Variants in ROBO2 observed in about 807,000 individuals in gnomAD.
ROBO2 encodes roundabout guidance receptor 2, also known as roundabout homolog 2.
In ROBO2, 53 loss-of-function variants were observed where a neutral mutation model predicts 160.8. That is an observed-to-expected ratio of 0.33 (90% CI 0.26 to 0.41). The LOEUF (loss-of-function observed/expected upper bound fraction) is 0.41, where lower values mean the gene tolerates loss of function less well. ROBO2 is among the 10% of genes least tolerant of loss of function. The probability of loss-of-function intolerance (pLI) is 1.00; values close to 1 mark genes in which losing one functional copy is unlikely to be tolerated. For synonymous variants in ROBO2, 664 were observed against 611.7 expected (o/e 1.09, Z -1.26); for missense variants, 1,577 against 1,722.4 (o/e 0.92, Z 1.49).
intron 5 of ROBO2, among the ~76,000 whole-genome samples, chr3:77,513,039 A>G (rs781450692): frequency 6.6e-6 from 1 of 151,894 alleles, no homozygotes; most frequent in Non-Finnish European, 1.5e-5. Context: ...ATTTCCTTCC[A>G]AGAAAAACAA....
At chr3:77,165,082 C>A (rs1049945894) in intron 2 of ROBO2, among the ~76,000 whole-genome samples, 4 of 151,856 alleles carry the variant, frequency 2.6e-5, no homozygotes, top group Non-Finnish European at 4.4e-5. Context: ...TCATTGAGAA[C>A]GGGCCAGGAT....
chr3:77,031,080 G>C (rs1426299727), intron 2 of ROBO2, among the ~76,000 whole-genome samples: 1 of 152,062 alleles, frequency 6.6e-6, no homozygotes, highest in Non-Finnish European at 1.5e-5. Context: ...TTGAAGGTGG[G>C]GCTTGTGTTT....
chr3:77,319,521 T>G (rs913999368), intron 2 of ROBO2, among the ~76,000 whole-genome samples: 1 of 152,186 alleles, frequency 6.6e-6, no homozygotes, highest in African/African-American at 2.4e-5. Context: ...TCATTAGAAT[T>G]TGTCCTTTTG....
At chr3:77,133,532 G>A (rs1036537662) in intron 2 of ROBO2, among the ~76,000 whole-genome samples, 12 of 151,648 alleles carry the variant, frequency 7.9e-5, no homozygotes, top group Non-Finnish European at 1.5e-4. Context: ...ATTAGGAAAG[G>A]AATTATGTGG....
At chr3:76,061,726 G>C (rs557047631) in intron 2 of ROBO2, among the ~76,000 whole-genome samples, 1 of 152,000 alleles carries the variant, frequency 6.6e-6, no homozygotes, top group Non-Finnish European at 1.5e-5. Context: ...TGGCTTGGTG[G>C]CTAAAACCCC....
chr3:76,159,752 C>A (rs370841704), intron 2 of ROBO2, among the ~76,000 whole-genome samples: 1 of 152,224 alleles, frequency 6.6e-6, no homozygotes, highest in South Asian at 2.1e-4. Flanking sequence ...AGTAATGATA[C>A]CAGCCACCCT....
At chr3:77,114,797 AT>A (rs2150211554) in intron 2 of ROBO2, among the ~76,000 whole-genome samples, 1 of 152,272 alleles carries the variant, frequency 6.6e-6, no homozygotes, top group South Asian at 2.1e-4. Flanking sequence ...TTACTCATAT[AT>A]TTGACTTACA....
intron 2 of ROBO2, among the ~76,000 whole-genome samples, chr3:77,415,902 G>A (rs745856609): frequency 1.8e-4 from 27 of 152,272 alleles, no homozygotes; most frequent in Non-Finnish European, 3.1e-4. Flanking sequence ...CAGCTTGTTC[G>A]TTCCTGCAGC....
intron 2 of ROBO2, among the ~76,000 whole-genome samples, chr3:77,444,408 C>A (rs892845790): frequency 4.6e-5 from 7 of 152,062 alleles, no homozygotes; most frequent in African/African-American, 1.7e-4. Context: ...CTTTTGTATA[C>A]ATTAACTTGT....
chr3:76,750,615 A>G (rs1308151879), intron 2 of ROBO2, among the ~76,000 whole-genome samples: 2 of 152,164 alleles, frequency 1.3e-5, no homozygotes, highest in African/African-American at 4.8e-5. Flanking sequence ...TACAAAATCA[A>G]TGTGCAAAAA....
chr3:77,596,653 C>T (rs781306155), exon 19 of ROBO2: 1 of 1,613,848 alleles, frequency 6.2e-7, no homozygotes. Context: ...CTGGTGATCC[C>T]AGCTATCCAT....
chr3:77,318,671 T>C (rs191360218), intron 2 of ROBO2, among the ~76,000 whole-genome samples: 1 of 152,288 alleles, frequency 6.6e-6, no homozygotes, highest in East Asian at 1.9e-4. Context: ...TTCTCATCTA[T>C]AAAATAAGGG....
At chr3:77,270,524 C>T (rs1433301650) in intron 2 of ROBO2, among the ~76,000 whole-genome samples, 3 of 151,588 alleles carry the variant, frequency 2.0e-5, no homozygotes, top group Non-Finnish European at 4.4e-5. Flanking sequence ...TTGAAGATTG[C>T]TGTTGGTTTT....
At chr3:76,814,513 AAT>A (rs1345619822) in intron 2 of ROBO2, among the ~76,000 whole-genome samples, 1 of 152,140 alleles carries the variant, frequency 6.6e-6, no homozygotes, top group Non-Finnish European at 1.5e-5. Context: ...CACTATGGCT[AAT>A]AGGAAGCAGC....
At chr3:77,526,347 A>G (rs1464193719) in intron 6 of ROBO2, among the ~76,000 whole-genome samples, 1 of 151,562 alleles carries the variant, frequency 6.6e-6, no homozygotes, top group Non-Finnish European at 1.5e-5. Flanking sequence ...GCCATCATCA[A>G]CACGAAACTA....
chr3:76,899,054 C>T (rs1291343125), intron 2 of ROBO2, among the ~76,000 whole-genome samples: 1 of 152,018 alleles, frequency 6.6e-6, no homozygotes, highest in Non-Finnish European at 1.5e-5. Context: ...TCCAAAATCA[C>T]CAGTACCGGA....
chr3:77,289,804 G>A (rs571366612), intron 2 of ROBO2, among the ~76,000 whole-genome samples: 1 of 152,124 alleles, frequency 6.6e-6, no homozygotes, highest in Admixed American at 6.6e-5. Flanking sequence ...GATCACCAAA[G>A]ACATAAAGTA....
intron 2 of ROBO2, among the ~76,000 whole-genome samples, chr3:76,226,610 A>G (rs1414183759): frequency 6.6e-6 from 1 of 152,206 alleles, no homozygotes; most frequent in East Asian, 1.9e-4. Flanking sequence ...GTCTCAAGTT[A>G]GATTATCATG....
intron 2 of ROBO2, among the ~76,000 whole-genome samples, chr3:76,396,195 C>A (rs1006889820): frequency 6.6e-6 from 1 of 151,960 alleles, no homozygotes; most frequent in Non-Finnish European, 1.5e-5. Flanking sequence ...TGTAATCCAG[C>A]ATATAAACAG....
Sources: gnomAD v4.1 joint callset for allele counts (sites outside exome capture counted in the v4.1 genomes callset) on GRCh38, gnomAD v4.1.1 for gene constraint, MANE v1.5 for transcripts, NCBI Gene and HGNC (gene_info 2026-07-23, HGNC 2026-07-21) for gene names.